Variants in RBBP4 observed in about 807,000 individuals in gnomAD.
RBBP4 encodes the protein histone-binding protein RBBP4.
RBBP4 carries 3 observed loss-of-function variants against 57.2 expected under a neutral mutation model. The observed-to-expected ratio is 0.05, with a 90% CI of 0.02 to 0.14. The LOEUF is 0.14. Ranked by LOEUF, RBBP4 falls within the 10% of genes least tolerant of loss-of-function variation. RBBP4 has a pLI of 1.00. For synonymous variants in RBBP4, 151 were observed against 171.5 expected (o/e 0.88, Z 0.93); for missense variants, 107 against 520.6 (o/e 0.21, Z 7.73).
chr1:32,670,981 G>T (rs567095088), intron 8 of RBBP4, among the ~76,000 whole-genome samples: 3 of 152,194 alleles, frequency 2.0e-5, no homozygotes, highest in African/African-American at 7.2e-5. Context: ...CGGTATTCTT[G>T]CCTGGACAGA....
intron 3 of RBBP4, chr1:32,657,822 A>G (rs534930362): frequency 7.8e-6 from 3 of 383,150 alleles, no homozygotes; most frequent in South Asian, 5.9e-5. Context: ...CTGCAATTGA[A>G]AGAAGCAAAA....
rs702832 is a variant in RBBP4 at position 32,685,264 on chromosome 1, G to A, written c.*5559G>A. On this transcript the variant is annotated 3_prime_UTR_variant, in exon 12 of 12. Coordinates refer to ENST00000373493, the MANE Select transcript of RBBP4 (RefSeq NM_005610.3). ...CTCAGATAACTTTCTCATTCTTCCA[G>A]AATCAGGCTGGGATGCATTCTGTAA... 0.97 allele frequency: 148,161 copies of A among 152,250 alleles called. 72,217 individuals are homozygous for A. The highest frequency in any genetic ancestry group is 1 in the East Asian group (5,180 of 5,180). 9.4% of individuals were successfully genotyped at this position (152,250 alleles called of 1,614,324 possible).
chr1:32,658,858 A>C (rs886318729), intron 3 of RBBP4, among the ~76,000 whole-genome samples: 1 of 151,546 alleles, frequency 6.6e-6, no homozygotes, highest in African/African-American at 2.4e-5. Context: ...TTGTAAAACT[A>C]CATATATGTG....
At chr1:32,661,921 C>G (rs1648435162) in intron 3 of RBBP4, among the ~76,000 whole-genome samples, 1 of 93,010 alleles carries the variant, frequency 1.1e-5, no homozygotes, top group Non-Finnish European at 1.9e-5. Flanking sequence ...CAGTCTTGCT[C>G]TATCACCAGG....
At chr1:32,679,380 T>TG (rs1649277394) in intron 11 of RBBP4, among the ~76,000 whole-genome samples, 1 of 152,234 alleles carries the variant, frequency 6.6e-6, no homozygotes, top group Admixed American at 6.5e-5. Context: ...ACTGCAGTTT[T>TG]GTGGGAATGT....
intron 2 of RBBP4, 121 bp downstream of exon 2, chr1:32,652,182 C>G (rs1305885017): frequency 8.3e-7 from 1 of 1,210,038 alleles, no homozygotes; most frequent in Non-Finnish European, 1.1e-6. Context: ...CTCTTGGTGA[C>G]ATTTTTTCTA....
intron 3 of RBBP4, among the ~76,000 whole-genome samples, chr1:32,657,906 G>A (rs968537405): frequency 3.3e-5 from 5 of 152,150 alleles, no homozygotes; most frequent in African/African-American, 1.2e-4. Context: ...AGGTTGGAGT[G>A]TAGTGGCACG....
intron 2 of RBBP4, among the ~76,000 whole-genome samples, chr1:32,655,700 T>C (rs2148516517): frequency 6.6e-6 from 1 of 152,348 alleles, no homozygotes; most frequent in Middle Eastern, 3.4e-3. Context: ...AATTATTCCT[T>C]ACGTGAAGGC....
intron 8 of RBBP4, among the ~76,000 whole-genome samples, chr1:32,671,816 C>T (rs1648891249): frequency 1.3e-5 from 2 of 151,718 alleles, no homozygotes; most frequent in Admixed American, 6.6e-5. Context: ...TCGCTTGAAC[C>T]TGGGAGGTGG....
chr1:32,674,834 T>A (rs916826976), intron 11 of RBBP4, among the ~76,000 whole-genome samples: 2 of 151,872 alleles, frequency 1.3e-5, no homozygotes, highest in African/African-American at 4.8e-5. Context: ...TTCAAGCAAT[T>A]CTCCTGCCTC....
intron 2 of RBBP4, among the ~76,000 whole-genome samples, chr1:32,653,676 T>G (rs1326614301): frequency 6.7e-4 from 72 of 107,376 alleles, no homozygotes; most frequent in Non-Finnish European, 1.1e-3. Flanking sequence ...GTTTTTTTTT[T>G]TGAGACGGAG....
At chr1:32,665,678 T>A (rs1314367166) in intron 3 of RBBP4, among the ~76,000 whole-genome samples, 46 of 136,556 alleles carry the variant, frequency 3.4e-4, no homozygotes, top group African/African-American at 8.7e-4. Context: ...ACCCTGTCTT[T>A]AAAAAAAAAA....
At position 32,672,741 on chromosome 1, in the gene RBBP4, T is replaced by G. The variant is rs773732122; in HGVS notation, c.1101+42T>G. The G allele has an allele frequency of 7.5e-6, 12 of 1,607,476 alleles. No individual in the cohort carries two copies. In the Middle Eastern group the frequency reaches 4.9e-4, roughly 66 times the overall value. On this transcript the variant is annotated intron_variant, in intron 10 of 11. Coordinates refer to ENST00000373493, the MANE Select transcript of RBBP4 (RefSeq NM_005610.3). ...GGACAGTACTGAAATAGTCTGTAAT[T>G]TAATGTCCTCTATCTGCATTTCACC...
intron 3 of RBBP4, among the ~76,000 whole-genome samples, chr1:32,659,056 T>C (rs956205555): frequency 3.4e-5 from 5 of 147,328 alleles, no homozygotes; most frequent in South Asian, 2.1e-4. Flanking sequence ...TATATATAAA[T>C]ATATAAATTA....
chr1:32,656,797 T>A (rs1264388348), intron 2 of RBBP4, among the ~76,000 whole-genome samples: 2 of 152,212 alleles, frequency 1.3e-5, no homozygotes, highest in East Asian at 3.8e-4. Context: ...CCTTTTTTCA[T>A]TCTTTTCAAT....
rs919078359 is a variant in RBBP4, at chr1:32,685,889, A to T, written c.*6184A>T. The T allele has an allele frequency of 6.6e-6, 1 of 152,322 alleles. No individual in the cohort carries two copies. The highest frequency in any genetic ancestry group is 1.5e-5 in the Non-Finnish European group (1 of 68,030). The allele number at this position is 152,322 out of a possible 1,614,324, so 9.4% of individuals were successfully genotyped here. On this transcript the variant is annotated 3_prime_UTR_variant, in exon 12 of 12. Coordinates refer to ENST00000373493, the MANE Select transcript of RBBP4 (RefSeq NM_005610.3). ...TGTTAACCACTAGATTAACTTTACA[A>T]TCAACTCAAAATCCTTCAAAGGCTT...
intron 11 of RBBP4, among the ~76,000 whole-genome samples, chr1:32,674,705 C>T (rs6669340): frequency 0.97 from 147,707 of 151,784 alleles, 71,999 homozygotes; most frequent in East Asian, 1. Context: ...TACTTTCTTA[C>T]TTTTTATTTC....
chr1:32,653,638 T>G (rs553259102), intron 2 of RBBP4, among the ~76,000 whole-genome samples: 40 of 13,236 alleles, frequency 3.0e-3, no homozygotes, highest in South Asian at 0.016. Context: ...TGTTTTCTGG[T>G]TTTTTTTTTT....
intron 8 of RBBP4, 117 bp from the exon 9 acceptor site, chr1:32,672,333 C>A: frequency 1.2e-6 from 1 of 816,302 alleles, no homozygotes; most frequent in Non-Finnish European, 1.9e-6. Context: ...GTGTATAATA[C>A]CTTGACTTCC....
Sources: allele counts gnomAD v4.1 joint callset (sites outside exome capture counted in the v4.1 genomes callset), GRCh38; gene constraint gnomAD v4.1.1; transcripts MANE v1.5; gene names NCBI Gene and HGNC (gene_info 2026-07-23, HGNC 2026-07-21).